Variants in EPHA6 observed in about 807,000 individuals in gnomAD.
EPHA6 encodes the protein ephrin type-A receptor 6.
Under a neutral mutation model 112.0 loss-of-function variants are expected in EPHA6, and 50 were observed. The observed-to-expected ratio is 0.45, with a 90% CI of 0.36 to 0.56. The LOEUF is 0.56. Ranked by LOEUF, EPHA6 falls within the 20% of genes least tolerant of loss-of-function variation. The pLI, the probability that EPHA6 is intolerant of heterozygous loss-of-function variation, is 0.00. For missense variants in EPHA6, 1,280 were observed against 1,417.4 expected, an observed-to-expected ratio of 0.90 and a Z score of 1.56; for synonymous variants, 529 against 490.7, an observed-to-expected ratio of 1.08 and a Z score of -1.03.
intron 4 of EPHA6, among the ~76,000 whole-genome samples, chr3:97,231,508 A>G (rs1193899291): frequency 6.6e-6 from 1 of 152,232 alleles, no homozygotes; most frequent in Non-Finnish European, 1.5e-5. Flanking sequence ...GTGCATAAGC[A>G]TGGTGAGGGG....
chr3:96,991,785 C>A (rs1415529053), intron 3 of EPHA6, among the ~76,000 whole-genome samples: 1 of 152,112 alleles, frequency 6.6e-6, no homozygotes, highest in Non-Finnish European at 1.5e-5. Flanking sequence ...TGTTGATCTG[C>A]AGAACTAAGA....
At chr3:97,074,862 A>G (rs1378892091) in intron 3 of EPHA6, among the ~76,000 whole-genome samples, 2 of 152,122 alleles carry the variant, frequency 1.3e-5, no homozygotes, top group South Asian at 2.1e-4. Flanking sequence ...GAAACTTCCA[A>G]TTACCATTTA....
At chr3:96,843,586 G>A (rs1459219204) in intron 1 of EPHA6, among the ~76,000 whole-genome samples, 1 of 151,994 alleles carries the variant, frequency 6.6e-6, no homozygotes, top group Non-Finnish European at 1.5e-5. Context: ...GAAGTTGGAT[G>A]TGAGCCTGCA....
At chr3:97,100,476 T>C (rs896159071) in intron 3 of EPHA6, among the ~76,000 whole-genome samples, 1 of 151,854 alleles carries the variant, frequency 6.6e-6, no homozygotes, top group African/African-American at 2.4e-5. Context: ...TAATGGCTAC[T>C]AACTGATTTT....
At chr3:97,465,332 G>C (rs576734143) in intron 7 of EPHA6, among the ~76,000 whole-genome samples, 1 of 152,072 alleles carries the variant, frequency 6.6e-6, no homozygotes, top group South Asian at 2.1e-4. Flanking sequence ...GTAAATAGTA[G>C]GGCAATACTG....
chr3:97,346,573 C>A (rs914474145), intron 5 of EPHA6, among the ~76,000 whole-genome samples: 1 of 152,048 alleles, frequency 6.6e-6, no homozygotes, highest in Non-Finnish European at 1.5e-5. Context: ...CATCCCCATT[C>A]CACTGATTAG....
intron 10 of EPHA6, among the ~76,000 whole-genome samples, chr3:97,527,990 T>G (rs969116750): frequency 1.3e-5 from 2 of 152,092 alleles, no homozygotes; most frequent in African/African-American, 4.8e-5. Context: ...GGCCTTAATC[T>G]TAGGACTCGC....
chr3:97,253,833 G>A (rs2079216840), intron 5 of EPHA6, among the ~76,000 whole-genome samples: 1 of 151,820 alleles, frequency 6.6e-6, no homozygotes, highest in Non-Finnish European at 1.5e-5. Flanking sequence ...TGGATGTTTG[G>A]CCATTGTCTA....
At chr3:97,612,465 A>G (rs2093728494) in intron 13 of EPHA6, 1 of 372,754 alleles carries the variant, frequency 2.7e-6, no homozygotes, top group Non-Finnish European at 5.4e-6. Context: ...TGACTACCAC[A>G]AGCAAATAAG....
intron 1 of EPHA6, among the ~76,000 whole-genome samples, chr3:96,842,067 C>T (rs1266843130): frequency 1.3e-5 from 2 of 152,100 alleles, no homozygotes; most frequent in Non-Finnish European, 2.9e-5. Flanking sequence ...ACCTACCCTT[C>T]TTCAGATTCC....
At chr3:97,311,444 A>T (rs1194441017) in intron 5 of EPHA6, among the ~76,000 whole-genome samples, 6 of 117,170 alleles carry the variant, frequency 5.1e-5, no homozygotes, top group South Asian at 2.4e-4. Context: ...TTACACTTTC[A>T]CACACACACA....
At chr3:97,423,741 T>A (rs892893038) in intron 6 of EPHA6, among the ~76,000 whole-genome samples, 1 of 152,166 alleles carries the variant, frequency 6.6e-6, no homozygotes, top group African/African-American at 2.4e-5. Flanking sequence ...GGCATCACAT[T>A]ACCTGACTTC....
intron 12 of EPHA6, among the ~76,000 whole-genome samples, chr3:97,608,853 G>C (rs1430177362): frequency 1.3e-5 from 2 of 151,322 alleles, no homozygotes; most frequent in African/African-American, 2.4e-5. Context: ...TATAAATGCT[G>C]TCTGAAAGGC....
intron 1 of EPHA6, among the ~76,000 whole-genome samples, chr3:96,859,488 A>G (rs1261704676): frequency 3.3e-5 from 5 of 150,722 alleles, no homozygotes; most frequent in Admixed American, 2.0e-4. Context: ...CTCAAGCGAT[A>G]CTCTCATCTC....
intron 3 of EPHA6, among the ~76,000 whole-genome samples, chr3:96,999,708 C>T (rs2043561971): frequency 6.6e-6 from 1 of 151,856 alleles, no homozygotes; most frequent in Non-Finnish European, 1.5e-5. Context: ...TATTGATCCT[C>T]ATGTGTCTGA....
chr3:97,562,438 G>A (rs2093204757), intron 11 of EPHA6, among the ~76,000 whole-genome samples: 1 of 152,172 alleles, frequency 6.6e-6, no homozygotes, highest in Admixed American at 6.6e-5. Flanking sequence ...AGTAACTGCA[G>A]ATGTGGTGGA....
intron 6 of EPHA6, among the ~76,000 whole-genome samples, chr3:97,440,279 G>A (rs1385920509): frequency 1.3e-5 from 2 of 151,882 alleles, no homozygotes; most frequent in Admixed American, 6.6e-5. Flanking sequence ...GTTTTAATCT[G>A]TTGGAAATAT....
intron 5 of EPHA6, among the ~76,000 whole-genome samples, chr3:97,253,109 AC>A (rs1422782515): frequency 7.2e-5 from 11 of 152,222 alleles, no homozygotes; most frequent in Non-Finnish European, 8.8e-5. Context: ...GTGAAAAAAA[AC>A]AAAATTAAAT....
At chr3:97,182,982 A>G (rs2108455933) in intron 3 of EPHA6, among the ~76,000 whole-genome samples, 1 of 152,250 alleles carries the variant, frequency 6.6e-6, no homozygotes, top group Admixed American at 6.5e-5. Flanking sequence ...GGAAGAAGAA[A>G]ACAGAGATTT....
Sources: gnomAD v4.1 joint callset for allele counts (sites outside exome capture counted in the v4.1 genomes callset) on GRCh38, gnomAD v4.1.1 for gene constraint, MANE v1.5 for transcripts, NCBI Gene and HGNC (gene_info 2026-07-23, HGNC 2026-07-21) for gene names.